PALM2AKAP2: variants seen among roughly 807,000 people sequenced by gnomAD.
The protein encoded by PALM2AKAP2 is PALM2-AKAP2 fusion protein.
A neutral mutation model predicts 71.5 loss-of-function variants in PALM2AKAP2; 37 were observed. The observed-to-expected ratio is 0.52, with a 90% CI of 0.40 to 0.68. The LOEUF (loss-of-function observed/expected upper bound fraction) is 0.68. PALM2AKAP2 is among the 30% of genes least tolerant of loss of function. The probability of loss-of-function intolerance (pLI) is 0.00; values close to 1 mark genes in which losing one functional copy is unlikely to be tolerated. For missense variants in PALM2AKAP2, 1,224 were observed against 1,191.8 expected, an observed-to-expected ratio of 1.03 and a Z score of -0.40; for synonymous variants, 468 against 478.8, an observed-to-expected ratio of 0.98 and a Z score of 0.29.
intron 1 of PALM2AKAP2, among the ~76,000 whole-genome samples, chr9:110,128,231 T>G (rs1658137778): frequency 6.6e-6 from 1 of 152,198 alleles, no homozygotes; most frequent in African/African-American, 2.4e-5. Context: ...GCATTTGCCT[T>G]CATGCTGGAG....
chr9:109,997,590 G>A lies in PALM2AKAP2; in HGVS notation c.497-18364G>A, dbSNP rs78396869. On this transcript the variant is annotated intron_variant, in intron 6 of 9. Coordinates refer to the PALM2AKAP2 transcript ENST00000302798. ...CAAGGAGAAATAGTTGGGGTTGCAG[G>A]AGAGGTTTCCAATAACCTATGGTGA... Among the ~76,000 whole-genome samples, 1,431 of 152,348 alleles carry A rather than the reference G, an allele frequency of 9.4e-3. 23 individuals are homozygous for A. The highest frequency in any genetic ancestry group is 0.033 in the African/African-American group (1,381 of 41,578).
At chr9:110,134,747 A>C (rs1395422998) in intron 1 of PALM2AKAP2, among the ~76,000 whole-genome samples, 1 of 152,130 alleles carries the variant, frequency 6.6e-6, no homozygotes, top group Non-Finnish European at 1.5e-5. Context: ...AAATTGTTGA[A>C]ACCTTAGATA....
At chr9:109,865,455 A>G (rs1480723570) in intron 1 of PALM2AKAP2, among the ~76,000 whole-genome samples, 1 of 151,982 alleles carries the variant, frequency 6.6e-6, no homozygotes, top group Non-Finnish European at 1.5e-5. Flanking sequence ...CTTCATGACC[A>G]TGTCAGTTAC....
intron 1 of PALM2AKAP2, among the ~76,000 whole-genome samples, chr9:109,745,318 C>T (rs1399349945): frequency 2.0e-5 from 3 of 152,088 alleles, no homozygotes; most frequent in African/African-American, 7.2e-5. Context: ...TGCCACTGCA[C>T]TCCAGCCTGG....
chr9:109,785,242 A>G (rs1192769021), intron 1 of PALM2AKAP2, among the ~76,000 whole-genome samples: 1 of 152,234 alleles, frequency 6.6e-6, no homozygotes, highest in African/African-American at 2.4e-5. Context: ...GAATTTTGTC[A>G]TTTAATTAGA....
chr9:109,874,213 G>T (rs1023863841), intron 2 of PALM2AKAP2, among the ~76,000 whole-genome samples: 1 of 152,174 alleles, frequency 6.6e-6, no homozygotes, highest in South Asian at 2.1e-4. Context: ...AGGGGCAAGT[G>T]GGGGAGAGAG....
intron 1 of PALM2AKAP2, among the ~76,000 whole-genome samples, chr9:109,811,975 C>T (rs1009183851): frequency 1.3e-5 from 2 of 152,212 alleles, no homozygotes; most frequent in African/African-American, 4.8e-5. Context: ...ACAGGGAGGC[C>T]ACATGTGAAC....
intron 1 of PALM2AKAP2, among the ~76,000 whole-genome samples, chr9:109,836,530 A>G (rs964218884): frequency 6.6e-6 from 1 of 152,244 alleles, no homozygotes; most frequent in Non-Finnish European, 1.5e-5. Context: ...CTGGACAGAG[A>G]ATGACTTTGA....
intron 1 of PALM2AKAP2, among the ~76,000 whole-genome samples, chr9:109,856,199 A>C (rs886506129): frequency 6.6e-6 from 1 of 152,212 alleles, no homozygotes; most frequent in East Asian, 1.9e-4. Flanking sequence ...AATCCACCCT[A>C]TGTATGGAAT....
At chr9:109,687,734 A>T (rs1490998548) in intron 1 of PALM2AKAP2, among the ~76,000 whole-genome samples, 4 of 152,208 alleles carry the variant, frequency 2.6e-5, no homozygotes, top group Non-Finnish European at 5.9e-5. Context: ...TTTCCTTTGC[A>T]TTCACAACTT....
At chr9:109,912,586 A>G (rs1830593751) in intron 3 of PALM2AKAP2, among the ~76,000 whole-genome samples, 1 of 152,200 alleles carries the variant, frequency 6.6e-6, no homozygotes, top group African/African-American at 2.4e-5. Context: ...TGGAAAATGA[A>G]TTTTGTAGCA....
At chr9:110,129,966 G>A (rs1835697395) in intron 1 of PALM2AKAP2, among the ~76,000 whole-genome samples, 1 of 152,160 alleles carries the variant, frequency 6.6e-6, no homozygotes, top group African/African-American at 2.4e-5. Flanking sequence ...ATCTGGGGTT[G>A]GGGAAAGATT....
At chr9:110,051,570 A>G (rs1356799074) in intron 1 of PALM2AKAP2, among the ~76,000 whole-genome samples, 1 of 152,224 alleles carries the variant, frequency 6.6e-6, no homozygotes, top group Non-Finnish European at 1.5e-5. Flanking sequence ...GTAATGAGAA[A>G]TGTTTCAAAT....
At chr9:109,691,728 G>T (rs909709120) in intron 1 of PALM2AKAP2, among the ~76,000 whole-genome samples, 4 of 149,524 alleles carry the variant, frequency 2.7e-5, no homozygotes, top group African/African-American at 9.8e-5. Context: ...TGGTAAGCCT[G>T]CCCCCACACC....
In PALM2AKAP2 at chr9:110,151,207, C is replaced by T. The variant is rs181438415; in HGVS notation, c.2570-5112C>T. ...CATTTACTTACTTTAAAATTTTTTT[C>T]CCCTTCTGTATTCATTTACTTACTT... On this transcript the variant is annotated intron_variant, in intron 2 of 3. Coordinates refer to ENST00000374525, the Ensembl canonical transcript of PALM2AKAP2. Among the ~76,000 whole-genome samples the T allele has an allele frequency of 4.5e-3, 681 of 152,130 alleles. 6 individuals carry two copies. The highest frequency in any genetic ancestry group is 0.016 in the African/African-American group (654 of 41,526).
intron 7 of PALM2AKAP2, among the ~76,000 whole-genome samples, chr9:110,041,611 G>A (rs774308729): frequency 6.6e-6 from 1 of 152,202 alleles, no homozygotes; most frequent in Non-Finnish European, 1.5e-5. Context: ...GAACAGGCAG[G>A]AAAGAAACTT....
intron 1 of PALM2AKAP2, among the ~76,000 whole-genome samples, chr9:109,747,241 C>T (rs543424835): frequency 2.6e-5 from 4 of 152,298 alleles, no homozygotes; most frequent in African/African-American, 9.6e-5. Flanking sequence ...TTGCCCTTGT[C>T]TTTCAAGTGG....
intron 1 of PALM2AKAP2, among the ~76,000 whole-genome samples, chr9:109,647,895 A>C (rs1170789945): frequency 2.6e-5 from 4 of 152,216 alleles, no homozygotes; most frequent in Non-Finnish European, 5.9e-5. Flanking sequence ...GGAAATGAGC[A>C]CATGTCACTT....
chr9:109,828,188 G>A (rs1587939249), intron 1 of PALM2AKAP2, among the ~76,000 whole-genome samples: 1 of 152,178 alleles, frequency 6.6e-6, no homozygotes, highest in Admixed American at 6.5e-5. Flanking sequence ...GACAGAAGTG[G>A]TGTCCTTCTT....
Sources: allele counts gnomAD v4.1 joint callset (sites outside exome capture counted in the v4.1 genomes callset), GRCh38; gene constraint gnomAD v4.1.1; transcripts MANE v1.5; gene names NCBI Gene and HGNC (gene_info 2026-07-23, HGNC 2026-07-21).